Variants in ZNF221 observed in about 807,000 individuals in gnomAD.
ZNF221 encodes zinc finger protein 221.
In ZNF221, 10 loss-of-function variants were observed where a neutral mutation model predicts 12.6. The observed-to-expected ratio is 0.79, with a 90% CI of 0.49 to 1.34. The LOEUF (loss-of-function observed/expected upper bound fraction) is 1.34, where lower values mean the gene tolerates loss of function less well. Among genes scored for constraint, ZNF221 ranks in the 40% most tolerant of loss-of-function variants. The pLI is 0.00. For missense variants in ZNF221, 661 were observed against 721.4 expected (o/e 0.92, Z 0.96); for synonymous variants, 232 against 244.0 (o/e 0.95, Z 0.46).
intron 1 of ZNF221, among the ~76,000 whole-genome samples, chr19:43,953,329 T>C (rs142336043): frequency 1.3e-5 from 2 of 151,516 alleles, no homozygotes; most frequent in African/African-American, 4.9e-5. Context: ...AAGAGATGCA[T>C]AGGGCAAGGC....
chr19:43,979,230 A>G, the ZNF221 span, among the ~76,000 whole-genome samples: 1 of 152,038 alleles, frequency 6.6e-6, no homozygotes, highest in Non-Finnish European at 1.5e-5. Flanking sequence ...GATTGTCCTA[A>G]TATGACACTA....
chr19:43,952,700 C>G (rs1484449922), intron 1 of ZNF221, among the ~76,000 whole-genome samples: 1 of 152,166 alleles, frequency 6.6e-6, no homozygotes. Flanking sequence ...GGCAGAGGAA[C>G]TAGCTGGAAT....
chr19:43,953,250 C>T (rs565583294), intron 1 of ZNF221, among the ~76,000 whole-genome samples: 1,673 of 146,478 alleles, frequency 0.011, 40 homozygotes, highest in African/African-American at 0.044. Context: ...TGTGCCCAGT[C>T]ATTAAGCTTT....
At chr19:43,955,856 C>T (rs958307419) in intron 1 of ZNF221, among the ~76,000 whole-genome samples, 1 of 152,190 alleles carries the variant, frequency 6.6e-6, no homozygotes, top group Admixed American at 6.5e-5. Flanking sequence ...TATAGCTTCT[C>T]ACACAGTTCC....
intron 4 of ZNF221, 87 bp from the exon 5 acceptor site, chr19:43,965,717 G>A: frequency 8.0e-7 from 1 of 1,245,512 alleles, no homozygotes; most frequent in Non-Finnish European, 1.1e-6. Flanking sequence ...TTTCATTAAA[G>A]TTTAATGCCA....
intron 1 of ZNF221, chr19:43,960,229 C>T (rs1161429826): frequency 1.3e-5 from 2 of 152,108 alleles, no homozygotes; most frequent in African/African-American, 2.4e-5. Flanking sequence ...ACTTAGGGTA[C>T]CTGGCAAAAG....
the ZNF221 span, chr19:43,978,459 A>G: frequency 6.6e-6 from 1 of 152,206 alleles, no homozygotes; most frequent in Admixed American, 6.5e-5. Context: ...TTATTTGTAA[A>G]AGAAAATTCA....
intron 1 of ZNF221, among the ~76,000 whole-genome samples, chr19:43,953,087 C>A (rs1974700039): frequency 6.6e-6 from 1 of 152,044 alleles, no homozygotes; most frequent in Admixed American, 6.6e-5. Context: ...CTCCCTTAGC[C>A]TCCCAAGTAG....
chr19:43,972,598 A>G (rs1050517713), downstream of ZNF221, among the ~76,000 whole-genome samples: 1 of 152,054 alleles, frequency 6.6e-6, no homozygotes, highest in Non-Finnish European at 1.5e-5. Context: ...AATACAAGCA[A>G]CCATCAGAGA....
chr19:43,955,471 A>G (rs116236198), intron 1 of ZNF221, among the ~76,000 whole-genome samples: 143 of 152,258 alleles, frequency 9.4e-4, no homozygotes, highest in African/African-American at 3.2e-3. Context: ...TTGTTGATTC[A>G]AAACCTGAAG....
chr19:43,959,991 A>G (rs1288031757), intron 1 of ZNF221, among the ~76,000 whole-genome samples: 1 of 151,310 alleles, frequency 6.6e-6, no homozygotes, highest in Non-Finnish European at 1.5e-5. Context: ...TTTTTTTTTA[A>G]CTTTTTCACT....
At chr19:43,975,146 C>T in the ZNF221 span, among the ~76,000 whole-genome samples, 3 of 152,120 alleles carry the variant, frequency 2.0e-5, no homozygotes, top group Non-Finnish European at 4.4e-5. Flanking sequence ...GGCAATTCCT[C>T]AAAGATTTAG....
At chr19:43,956,509 TCC>T (rs925760185) in intron 1 of ZNF221, among the ~76,000 whole-genome samples, 8 of 68,926 alleles carry the variant, frequency 1.2e-4, no homozygotes, top group African/African-American at 2.6e-4. Flanking sequence ...AGCCATTTTA[TCC>T]TCTCTTATGC....
At position 43,965,957 on chromosome 19, in the gene ZNF221, T is replaced by G. The variant is rs1435451930; in HGVS notation, c.455T>G (p.Val152Gly). The change falls in exon 5 of 5, where the codon GTC becomes GGC. Residue 152 changes from valine to glycine, a missense_variant. Physicochemically the swap from Val to Gly is moderately radical, Grantham distance 109 (BLOSUM62 -3). Transcript: ENST00000587682. ...NSSQFFKEGDVPCQIEARLSI... is the reference protein window; with the variant it reads ...NSSQFFKEGDGPCQIEARLSI... ...TCTCAGTTCTTCAAAGAAGGTGATG[T>G]CCCCTGCCAGATTGAGGCAAGACTA... 2 of 1,614,186 alleles carry G rather than the reference T, an allele frequency of 1.2e-6. No individual in the cohort carries two copies. The highest frequency in any genetic ancestry group is 1.7e-6 in the Non-Finnish European group (2 of 1,180,020).
chr19:43,975,481 T>C, the ZNF221 span, among the ~76,000 whole-genome samples: 3 of 152,096 alleles, frequency 2.0e-5, no homozygotes, highest in Non-Finnish European at 2.9e-5. Flanking sequence ...AAGTGGGAGC[T>C]GAATGATGAG....
chr19:43,964,544 AAGGAAGACAATGGAAGAG>A (rs1291493911), intron 2 of ZNF221, among the ~76,000 whole-genome samples: 4 of 152,224 alleles, frequency 2.6e-5, no homozygotes, highest in African/African-American at 9.6e-5. Flanking sequence ...TTGAGTATGA[AAGGAAGACAATGGAAGAG>A]AGGAAGACAA....
At chr19:43,951,783 A>G (rs893105333) in intron 1 of ZNF221, among the ~76,000 whole-genome samples, 1 of 147,604 alleles carries the variant, frequency 6.8e-6, no homozygotes, top group Non-Finnish European at 1.5e-5. Context: ...CTGGTGTCAG[A>G]GCTCCAGCTG....
the ZNF221 span, among the ~76,000 whole-genome samples, chr19:43,978,977 T>C: frequency 2.0e-5 from 3 of 149,758 alleles, no homozygotes; most frequent in African/African-American, 7.4e-5. Flanking sequence ...TGACAATAAC[T>C]TCCTGGATAG....
chr19:43,976,584 G>A, the ZNF221 span, among the ~76,000 whole-genome samples: 1 of 152,120 alleles, frequency 6.6e-6, no homozygotes, highest in Non-Finnish European at 1.5e-5. Context: ...TTGTGATTCT[G>A]CGTTTCTGTG....
Sources: allele counts gnomAD v4.1 joint callset (sites outside exome capture counted in the v4.1 genomes callset), GRCh38; gene constraint gnomAD v4.1.1; transcripts MANE v1.5; gene names NCBI Gene and HGNC (gene_info 2026-07-23, HGNC 2026-07-21).